Variants in TENM3 observed in about 807,000 individuals in gnomAD.
TENM3 encodes teneurin-3.
Under a neutral mutation model 255.1 loss-of-function variants are expected in TENM3, and 63 were observed. That is an observed-to-expected ratio of 0.25 (90% CI 0.20 to 0.30). TENM3 has a LOEUF of 0.30. TENM3 is among the 10% of genes least tolerant of loss of function. TENM3 has a pLI of 1.00. For missense variants in TENM3, 2,929 were observed against 3,461.1 expected, an observed-to-expected ratio of 0.85 and a Z score of 3.86; for synonymous variants, 1,306 against 1,322.3, an observed-to-expected ratio of 0.99 and a Z score of 0.27.
the TENM3 span, among the ~76,000 whole-genome samples, chr4:181,862,141 G>C: frequency 2.6e-5 from 4 of 152,066 alleles, no homozygotes; most frequent in Admixed American, 2.6e-4. Context: ...TCTCTTCAAA[G>C]CATTTCTTAA....
At chr4:181,754,241 T>C in the TENM3 span, among the ~76,000 whole-genome samples, 2 of 151,514 alleles carry the variant, frequency 1.3e-5, no homozygotes, top group African/African-American at 4.8e-5. Context: ...CAACTTATCA[T>C]CTTCATTTAA....
At chr4:181,777,495 G>T in the TENM3 span, among the ~76,000 whole-genome samples, 2 of 151,916 alleles carry the variant, frequency 1.3e-5, no homozygotes, top group Admixed American at 1.3e-4. Flanking sequence ...GATTGCTTTG[G>T]GTAGTATGGT....
At chr4:182,189,858 A>G (rs1753401515) in intron 1 of TENM3, among the ~76,000 whole-genome samples, 1 of 152,188 alleles carries the variant, frequency 6.6e-6, no homozygotes, top group Non-Finnish European at 1.5e-5. Context: ...ATCCAGAATT[A>G]TCTCACCTAT....
At chr4:182,777,649 C>T (rs746285352) in intron 24 of TENM3, among the ~76,000 whole-genome samples, 17 of 146,064 alleles carry the variant, frequency 1.2e-4, no homozygotes, top group Non-Finnish European at 2.2e-4. Flanking sequence ...CCTCCACCTC[C>T]CGGGTTCAAT....
the TENM3 span, among the ~76,000 whole-genome samples, chr4:181,689,554 G>A: frequency 1.3e-5 from 2 of 152,196 alleles, no homozygotes; most frequent in East Asian, 3.9e-4. Context: ...AGGGTTGCGG[G>A]GAGCAGATGG....
the TENM3 span, among the ~76,000 whole-genome samples, chr4:181,716,348 T>C: frequency 6.6e-6 from 1 of 152,200 alleles, no homozygotes; most frequent in Non-Finnish European, 1.5e-5. Context: ...TTTAAGCATG[T>C]AATCAATATA....
the TENM3 span, among the ~76,000 whole-genome samples, chr4:181,659,455 A>T: frequency 6.6e-6 from 1 of 152,168 alleles, no homozygotes; most frequent in East Asian, 1.9e-4. Flanking sequence ...TAACAATTCT[A>T]TGGGGAATAG....
At chr4:182,720,762 C>T (rs923519458) in intron 13 of TENM3, among the ~76,000 whole-genome samples, 29 of 139,254 alleles carry the variant, frequency 2.1e-4, no homozygotes, top group South Asian at 4.8e-4. Flanking sequence ...TAAAAGTCTC[C>T]CCTCTTTTTT....
Position 182,495,165 on chromosome 4 carries a change from G to A in TENM3, c.512-105759G>A, listed in dbSNP as rs955150251. Among the ~76,000 whole-genome samples the A allele has an allele frequency of 3.3e-5, 5 of 152,280 alleles. No homozygotes were observed. In the East Asian group the frequency reaches 9.7e-4, roughly 29 times the overall value. On this transcript the variant is annotated intron_variant, in intron 3 of 27. Transcript: ENST00000511685. ...CTTAATGGAAGATGCTCAGATGCGC[G>A]AGCTCTCTGATGATACCCCTTAAGT...
At chr4:182,559,604 A>T (rs1742936127) in intron 3 of TENM3, among the ~76,000 whole-genome samples, 1 of 152,136 alleles carries the variant, frequency 6.6e-6, no homozygotes, top group Non-Finnish European at 1.5e-5. Flanking sequence ...GCACCCTGTA[A>T]TAAACTTTGA....
the TENM3 span, among the ~76,000 whole-genome samples, chr4:182,078,245 C>A: frequency 6.6e-6 from 1 of 151,788 alleles, no homozygotes; most frequent in South Asian, 2.1e-4. Context: ...ACGAAACAGC[C>A]GGGTGCAGTG....
At chr4:181,553,479 T>C in the TENM3 span, among the ~76,000 whole-genome samples, 1 of 151,980 alleles carries the variant, frequency 6.6e-6, no homozygotes, top group Non-Finnish European at 1.5e-5. Context: ...TCTGGCTCTG[T>C]CGCCCAGGCT....
In TENM3 at chr4:182,791,091, T is replaced by C. The variant is rs141946584; in HGVS notation, c.5602-1183T>C. Among the ~76,000 whole-genome samples, 819 of 152,330 alleles carry C rather than the reference T, an allele frequency of 5.4e-3. 6 individuals carry two copies. Among genetic ancestry groups the C allele is most frequent in the African/African-American group, 0.018 (767 of 41,572 alleles). On this transcript the variant is annotated intron_variant, in intron 25 of 27. Transcript: ENST00000511685. ...TTACAGACCACCATCAAATATGACT[T>C]CAGATGATTCCAAAAGTAGGTATTC... is the stretch of plus-strand genomic sequence containing the variant.
chr4:182,724,695 A>G (rs1421586298), intron 13 of TENM3, among the ~76,000 whole-genome samples: 1 of 152,238 alleles, frequency 6.6e-6, no homozygotes. Flanking sequence ...CAACTGTACC[A>G]TCTATTGCCT....
intron 12 of TENM3, among the ~76,000 whole-genome samples, chr4:182,698,844 G>A (rs1010325820): frequency 1.3e-5 from 2 of 152,214 alleles, no homozygotes; most frequent in Non-Finnish European, 2.9e-5. Context: ...TAGGACAGGT[G>A]TGTTGTTTTG....
the TENM3 span, among the ~76,000 whole-genome samples, chr4:181,574,046 C>T: frequency 6.6e-6 from 1 of 152,090 alleles, no homozygotes; most frequent in South Asian, 2.1e-4. Flanking sequence ...AGAAAAAAGT[C>T]CATTAATAAA....
the TENM3 span, among the ~76,000 whole-genome samples, chr4:181,777,573 T>A: frequency 6.6e-6 from 1 of 152,120 alleles, no homozygotes; most frequent in Non-Finnish European, 1.5e-5. Context: ...CCTGCTATTG[T>A]CAACAAGATT....
the TENM3 span, among the ~76,000 whole-genome samples, chr4:181,959,352 G>T: frequency 6.6e-6 from 1 of 152,116 alleles, no homozygotes; most frequent in Non-Finnish European, 1.5e-5. Flanking sequence ...TGAAGCTGGG[G>T]GCAGCCTCTG....
chr4:181,921,529 T>G, the TENM3 span, among the ~76,000 whole-genome samples: 7 of 152,234 alleles, frequency 4.6e-5, no homozygotes, highest in East Asian at 3.8e-4. Context: ...GATTTGGCTC[T>G]CTGTTTGTCT....
Sources: allele counts gnomAD v4.1 joint callset (sites outside exome capture counted in the v4.1 genomes callset), GRCh38; gene constraint gnomAD v4.1.1; transcripts MANE v1.5; gene names NCBI Gene and HGNC (gene_info 2026-07-23, HGNC 2026-07-21).